RASGRF2: variants seen among roughly 807,000 people sequenced by gnomAD.
The protein encoded by RASGRF2 is ras-specific guanine nucleotide-releasing factor 2.
Under a neutral mutation model 151.0 loss-of-function variants are expected in RASGRF2, and 76 were observed. The observed-to-expected ratio is 0.50, with a 90% CI of 0.42 to 0.61. The LOEUF is 0.61. Among genes scored for constraint, RASGRF2 ranks in the 20% least tolerant of loss-of-function variants. The pLI, the probability that RASGRF2 is intolerant of heterozygous loss-of-function variation, is 0.00. For missense variants in RASGRF2, 1,148 were observed against 1,564.6 expected (o/e 0.73, Z 4.49); for synonymous variants, 504 against 566.5 (o/e 0.89, Z 1.57).
chr5:81,157,092 G>T (rs1051653699), intron 17 of RASGRF2, among the ~76,000 whole-genome samples: 1 of 152,016 alleles, frequency 6.6e-6, no homozygotes, highest in South Asian at 2.1e-4. Context: ...ACGGCTGGGC[G>T]CGGTGGCTCA....
At chr5:80,972,478 G>T (rs1000951360) in intron 1 of RASGRF2, among the ~76,000 whole-genome samples, 1 of 147,398 alleles carries the variant, frequency 6.8e-6, no homozygotes, top group African/African-American at 2.5e-5. Flanking sequence ...TCATTTGATT[G>T]GTCTCTGTTT....
At chr5:81,097,942 G>A (rs1287807295) in intron 12 of RASGRF2, among the ~76,000 whole-genome samples, 1 of 152,210 alleles carries the variant, frequency 6.6e-6, no homozygotes, top group African/African-American at 2.4e-5. Context: ...CGAAAGGATT[G>A]CTGTGGCTGC....
intron 10 of RASGRF2, 114 bp downstream of exon 10, chr5:81,093,075 T>C (rs1229467309): frequency 1.2e-5 from 14 of 1,134,738 alleles, no homozygotes; most frequent in East Asian, 7.2e-5. Flanking sequence ...ATTGTCATGA[T>C]TGCATAATGA....
intron 12 of RASGRF2, among the ~76,000 whole-genome samples, chr5:81,095,305 A>G (rs960873154): frequency 2.0e-5 from 3 of 152,176 alleles, no homozygotes; most frequent in Admixed American, 6.5e-5. Context: ...AAATTCTCTA[A>G]TGACTCCACT....
intron 9 of RASGRF2, among the ~76,000 whole-genome samples, chr5:81,090,981 G>A (rs1752373442): frequency 6.6e-6 from 1 of 151,876 alleles, no homozygotes; most frequent in South Asian, 2.1e-4. Flanking sequence ...CTAAGTCATG[G>A]GCCTGATGGC....
chr5:81,148,275 C>A (rs1754050777), intron 17 of RASGRF2, among the ~76,000 whole-genome samples: 1 of 152,140 alleles, frequency 6.6e-6, no homozygotes, highest in Admixed American at 6.5e-5. Context: ...TGGTATTTCA[C>A]AGCCACATCT....
At chr5:81,114,919 T>C (rs1291414532) in intron 15 of RASGRF2, 2 of 152,228 alleles carry the variant, frequency 1.3e-5, no homozygotes, top group Admixed American at 1.3e-4. Flanking sequence ...CTCTCTCCCA[T>C]CATTTTAGCT....
At chr5:81,185,269 C>G (rs1047503566) in intron 18 of RASGRF2, among the ~76,000 whole-genome samples, 7 of 152,196 alleles carry the variant, frequency 4.6e-5, no homozygotes, top group Non-Finnish European at 1.5e-5. Flanking sequence ...AGGAAACCAT[C>G]CAGCTAGCCT....
intron 5 of RASGRF2, among the ~76,000 whole-genome samples, chr5:81,079,801 C>A (rs908089012): frequency 2.2e-4 from 34 of 152,034 alleles, no homozygotes; most frequent in Non-Finnish European, 5.9e-5. Context: ...AAAAAAGGAT[C>A]ATAACTTTAA....
At chr5:81,078,069 T>G (rs1751987685) in intron 5 of RASGRF2, among the ~76,000 whole-genome samples, 1 of 152,258 alleles carries the variant, frequency 6.6e-6, no homozygotes, top group African/African-American at 2.4e-5. Flanking sequence ...TTTTTATTTT[T>G]AATTTTTATG....
chr5:81,203,222 A>G (rs1755435817), intron 19 of RASGRF2, among the ~76,000 whole-genome samples: 1 of 152,236 alleles, frequency 6.6e-6, no homozygotes, highest in Non-Finnish European at 1.5e-5. Context: ...CATTTAAAAC[A>G]CTAATATTTA....
chr5:81,026,102 T>TTCCTTCCTC (rs1325888200), intron 1 of RASGRF2, among the ~76,000 whole-genome samples: 1 of 146,038 alleles, frequency 6.8e-6, no homozygotes, highest in Non-Finnish European at 1.5e-5. Context: ...CCTTCCTCTG[T>TTCCTTCCTC]TCCTTCCTCT....
chr5:81,202,141 C>CT lies in RASGRF2; in HGVS notation c.2906+700dup, dbSNP rs539763028. On this transcript the variant is annotated intron_variant, in intron 19 of 26. Coordinates refer to ENST00000265080, the MANE Select transcript of RASGRF2 (RefSeq NM_006909.3). The stretch of plus-strand genomic sequence containing the variant: ...TGGGTGGATTTTTTTTTTGTCCACT[C>CT]TATGTGGAAAGGGCAGCCATTGCTA... 6.1e-4 allele frequency among the ~76,000 whole-genome samples: 93 copies of CT among 151,926 alleles called. 1 individual carries two copies. Among genetic ancestry groups the CT allele is most frequent in the African/African-American group, 2.0e-3 (81 of 41,442 alleles).
At position 80,988,342 on chromosome 5, in the gene RASGRF2, C is replaced by T. The variant is rs376431103; in HGVS notation, c.288+27316C>T. Among the ~76,000 whole-genome samples the T allele has an allele frequency of 2.6e-5, 4 of 152,248 alleles. No homozygotes were observed. In the East Asian group the frequency reaches 5.8e-4, roughly 22 times the overall value. On this transcript the variant is annotated intron_variant, in intron 1 of 26. Transcript: ENST00000265080. ...CTGGGATTACAGTGATGAGCCACCACACCCGGCCTATCATCTCTTTAATTA... is the reference window on the plus strand; with the variant it reads ...CTGGGATTACAGTGATGAGCCACCATACCCGGCCTATCATCTCTTTAATTA...
At chr5:81,139,453 C>T (rs1177468137) in intron 17 of RASGRF2, among the ~76,000 whole-genome samples, 3 of 145,782 alleles carry the variant, frequency 2.1e-5, no homozygotes, top group South Asian at 2.2e-4. Flanking sequence ...CTCCACCTCC[C>T]GGATTCAAGC....
intron 1 of RASGRF2, among the ~76,000 whole-genome samples, chr5:80,993,975 A>G (rs1018918975): frequency 6.6e-6 from 1 of 152,000 alleles, no homozygotes; most frequent in Non-Finnish European, 1.5e-5. Context: ...CACTTTCCAT[A>G]ACTTCATATT....
rs1751836126 is a variant in RASGRF2 at position 81,073,317 on chromosome 5, T to C, written c.752T>C (p.Met251Thr). The C allele has an allele frequency of 1.2e-6, 2 of 1,614,142 alleles. No individual in the cohort carries two copies. Among genetic ancestry groups the C allele is most frequent in the South Asian group, 1.1e-5 (1 of 91,080 alleles). Residue 251 changes from methionine to threonine, a missense_variant, in exon 5 of 27, where the codon ATG becomes ACG. By Grantham distance (81) the Met-to-Thr change is moderately conservative (BLOSUM62 -1). Transcript: ENST00000265080. Reference sequence around the variant, plus strand: ...AAGAGAAACCAGATTGTGTTCACCATGGTGGAGGCAGAGTCAGAGTACGTT... The same window carrying C: ...AAGAGAAACCAGATTGTGTTCACCACGGTGGAGGCAGAGTCAGAGTACGTT... ...MRKRNQIVFT[M>T]VEAESEYVHQ...
intron 23 of RASGRF2, among the ~76,000 whole-genome samples, chr5:81,215,560 T>C (rs1022521928): frequency 6.6e-6 from 1 of 152,314 alleles, no homozygotes; most frequent in Admixed American, 6.5e-5. Context: ...TGTGACCCAC[T>C]GCACCCGGCC....
intron 22 of RASGRF2, among the ~76,000 whole-genome samples, chr5:81,209,544 G>A (rs964993578): frequency 6.6e-6 from 1 of 152,210 alleles, no homozygotes; most frequent in Admixed American, 6.5e-5. Context: ...GTTTCATGCA[G>A]GCTTTCCCCA....
Sources: gnomAD v4.1 joint callset for allele counts (sites outside exome capture counted in the v4.1 genomes callset) on GRCh38, gnomAD v4.1.1 for gene constraint, MANE v1.5 for transcripts, NCBI Gene and HGNC (gene_info 2026-07-23, HGNC 2026-07-21) for gene names.